TTC39C: variants seen among roughly 807,000 people sequenced by gnomAD.
TTC39C encodes tetratricopeptide repeat domain 39C.
Under a neutral mutation model 76.3 loss-of-function variants are expected in TTC39C, and 33 were observed. That is an observed-to-expected ratio of 0.43 (90% CI 0.33 to 0.58). The LOEUF (loss-of-function observed/expected upper bound fraction) is 0.58. Among genes scored for constraint, TTC39C ranks in the 20% least tolerant of loss-of-function variants. TTC39C has a pLI of 0.04. For synonymous variants in TTC39C, 254 were observed against 260.6 expected (o/e 0.97, Z 0.24); for missense variants, 595 against 701.4 (o/e 0.85, Z 1.71).
At chr18:23,997,674 GAAAGAAAGAAAGAAA>G (rs1568398788) in intron 1 of TTC39C, among the ~76,000 whole-genome samples, 24 of 146,086 alleles carry the variant, frequency 1.6e-4, no homozygotes, top group Non-Finnish European at 2.6e-4. Flanking sequence ...AAGAAAGAAA[GAAAGAAAGAAAGAAA>G]GAAAGAAAGA....
chr18:24,097,670 A>G (rs1374504305), intron 6 of TTC39C, among the ~76,000 whole-genome samples: 1 of 152,228 alleles, frequency 6.6e-6, no homozygotes, highest in Non-Finnish European at 1.5e-5. Flanking sequence ...CTTCATCTTC[A>G]ACATCGTCTT....
At chr18:24,021,321 C>T (rs575686159) in intron 1 of TTC39C, among the ~76,000 whole-genome samples, 277 of 152,256 alleles carry the variant, frequency 1.8e-3, no homozygotes, top group Non-Finnish European at 2.4e-3. Context: ...CCTAAATTCG[C>T]GAGGCCGCTG....
intron 1 of TTC39C, among the ~76,000 whole-genome samples, chr18:24,040,226 G>A (rs912065064): frequency 2.0e-5 from 3 of 152,202 alleles, no homozygotes; most frequent in Non-Finnish European, 2.9e-5. Context: ...TTTGATGTGG[G>A]GCTGAGGCTT....
intron 1 of TTC39C, among the ~76,000 whole-genome samples, chr18:24,031,929 G>T (rs777641380): frequency 8.5e-5 from 13 of 152,122 alleles, no homozygotes; most frequent in Non-Finnish European, 1.5e-4. Context: ...ATCTCGATGG[G>T]CCCTAAATGC....
chr18:24,071,138 C>T (rs2084236938), intron 4 of TTC39C, among the ~76,000 whole-genome samples: 2 of 152,014 alleles, frequency 1.3e-5, no homozygotes, highest in African/African-American at 2.4e-5. Flanking sequence ...CTATGTTGGT[C>T]GGCCTGGTTT....
chr18:24,071,998 A>G (rs1348535765), intron 4 of TTC39C, among the ~76,000 whole-genome samples: 1 of 152,224 alleles, frequency 6.6e-6, no homozygotes, highest in Non-Finnish European at 1.5e-5. Flanking sequence ...ATAGCTCAGT[A>G]TTTGTTTCAA....
intron 10 of TTC39C, 48 bp downstream of exon 10, chr18:24,125,598 T>C (rs756813554): frequency 6.2e-7 from 1 of 1,608,148 alleles, no homozygotes; most frequent in East Asian, 2.2e-5. Context: ...CACACTGGCT[T>C]CTTCTGTCAG....
At chr18:24,113,562 G>T in intron 6 of TTC39C, 1 of 702,250 alleles carries the variant, frequency 1.4e-6, no homozygotes. Flanking sequence ...GCAAGTGTAG[G>T]GCAGTGAGAG....
At chr18:24,079,366 G>A (rs911118348) in intron 4 of TTC39C, among the ~76,000 whole-genome samples, 1 of 152,246 alleles carries the variant, frequency 6.6e-6, no homozygotes, top group Non-Finnish European at 1.5e-5. Context: ...ACAGGGGCCA[G>A]TGGTGGAGGG....
chr18:24,059,462 G>A (rs1360109033), intron 1 of TTC39C, among the ~76,000 whole-genome samples: 1 of 152,190 alleles, frequency 6.6e-6, no homozygotes, highest in African/African-American at 2.4e-5. Context: ...CAGAACATTC[G>A]GTGTTTGGTT....
chr18:24,035,876 T>G (rs1301781155), intron 1 of TTC39C, among the ~76,000 whole-genome samples: 2 of 152,078 alleles, frequency 1.3e-5, no homozygotes, highest in Non-Finnish European at 2.9e-5. Flanking sequence ...GATGAAGCTT[T>G]TTCTCTGTTT....
At chr18:24,127,619 C>T (rs1163009697) in intron 10 of TTC39C, among the ~76,000 whole-genome samples, 2 of 152,160 alleles carry the variant, frequency 1.3e-5, no homozygotes, top group East Asian at 1.9e-4. Context: ...CTGGCTCAAG[C>T]GATCCTCCAA....
intron 1 of TTC39C, among the ~76,000 whole-genome samples, chr18:24,063,032 G>T (rs769882813): frequency 1.3e-5 from 2 of 152,094 alleles, no homozygotes; most frequent in Admixed American, 1.3e-4. Flanking sequence ...TGAATAAATT[G>T]TTTCATCCCT....
intron 1 of TTC39C, among the ~76,000 whole-genome samples, chr18:24,018,960 C>T (rs1289387202): frequency 1.3e-5 from 2 of 152,132 alleles, no homozygotes; most frequent in East Asian, 1.9e-4. Flanking sequence ...CTGGGTGTCT[C>T]GTCAACTCAC....
intron 6 of TTC39C, 104 bp from the exon 7 acceptor site, chr18:24,114,450 C>A: frequency 2.3e-6 from 2 of 868,786 alleles, no homozygotes; most frequent in Non-Finnish European, 1.9e-6. Flanking sequence ...TATTGCTTAA[C>A]CTGTTTAAAA....
At chr18:24,084,650 C>G (rs1279713614) in intron 6 of TTC39C, among the ~76,000 whole-genome samples, 1 of 151,806 alleles carries the variant, frequency 6.6e-6, no homozygotes, top group Non-Finnish European at 1.5e-5. Flanking sequence ...TTTTTTCTCT[C>G]ACTGTTTTTT....
chr18:24,003,261 C>T (rs1033694443), intron 1 of TTC39C, among the ~76,000 whole-genome samples: 3 of 152,226 alleles, frequency 2.0e-5, no homozygotes, highest in African/African-American at 7.2e-5. Flanking sequence ...CATCAAACCC[C>T]TCACAGGAAG....
chr18:24,064,204 A>C lies in TTC39C; in HGVS notation c.216+16A>C. 6.2e-7 allele frequency: 1 copy of C among 1,613,370 alleles called. No individual in the cohort carries two copies. Among genetic ancestry groups the C allele is most frequent in the South Asian group, 1.1e-5 (1 of 90,930 alleles). On this transcript the variant is annotated intron_variant, in intron 2 of 13. Transcript: ENST00000317571. The stretch of plus-strand genomic sequence containing the variant: ...CAGTTTTTTGGTAAGTTGATATCTT[A>C]AGACCTATTGGCATGAAGGAAACAA...
rs1464668024 is a variant in TTC39C, at chr18:24,132,876, G to A, written c.*302G>A. On this transcript the variant is annotated 3_prime_UTR_variant, in exon 14 of 14. Transcript: ENST00000317571. ...TATTATTTTTAAAATAAAATCAAAC[G>A]GAACATCCAACCCAAGATCCTGTAG... is the stretch of plus-strand genomic sequence containing the variant. 8.5e-6 allele frequency: 2 copies of A among 234,806 alleles called. No homozygotes were observed. The highest frequency in any genetic ancestry group is 2.3e-5 in the African/African-American group (1 of 44,228). The allele number at this position is 234,806 out of a possible 1,614,324, so 14.5% of individuals were successfully genotyped here.
Sources: allele counts gnomAD v4.1 joint callset (sites outside exome capture counted in the v4.1 genomes callset), GRCh38; gene constraint gnomAD v4.1.1; transcripts MANE v1.5; gene names NCBI Gene and HGNC (gene_info 2026-07-23, HGNC 2026-07-21).